Variants in MCC observed in about 807,000 individuals in gnomAD.
The protein encoded by MCC is MCC regulator of Wnt signaling pathway, also known as colorectal mutant cancer protein.
MCC carries 90 observed loss-of-function variants against 116.2 expected under a neutral mutation model. The observed-to-expected ratio is 0.77, with a 90% CI of 0.65 to 0.92. The LOEUF is 0.92. Ranked by LOEUF, MCC falls within the 40% of genes least tolerant of loss-of-function variation. MCC has a pLI of 0.00. For synonymous variants in MCC, 578 were observed against 510.5 expected (o/e 1.13, Z -1.78); for missense variants, 1,516 against 1,312.2 (o/e 1.16, Z -2.40).
intron 1 of MCC, among the ~76,000 whole-genome samples, chr5:113,469,666 T>C (rs1772023464): frequency 1.3e-5 from 2 of 152,202 alleles, no homozygotes; most frequent in African/African-American, 2.4e-5. Context: ...TCTGTTGATT[T>C]GGGGTGGAGA....
chr5:113,139,158 A>C (rs1346228733), intron 5 of MCC, among the ~76,000 whole-genome samples: 1 of 151,772 alleles, frequency 6.6e-6, no homozygotes, highest in East Asian at 1.9e-4. Flanking sequence ...GCCCACTTCG[A>C]CTCTGTTTGT....
rs987534748 is a variant in MCC at position 113,071,629 on chromosome 5, G to C, written c.1785-395C>G. Among the ~76,000 whole-genome samples the C allele has an allele frequency of 4.6e-5, 7 of 152,194 alleles. No homozygotes were observed. In the East Asian group the frequency reaches 1.3e-3, roughly 29 times the overall value. ...CACATGCAAGGATGAAAAGCAGCAA[G>C]ACAGCAGTCATGGCTATTTGTTAAG... On this transcript the variant is annotated intron_variant, in intron 11 of 18. Coordinates refer to ENST00000408903, the MANE Select transcript of MCC (RefSeq NM_001085377.2).
At chr5:113,101,162 C>T (rs1756383112) in intron 8 of MCC, among the ~76,000 whole-genome samples, 1 of 152,152 alleles carries the variant, frequency 6.6e-6, no homozygotes, top group Non-Finnish European at 1.5e-5. Context: ...CACACATACA[C>T]ATCTGTAAAC....
At chr5:113,044,770 C>G (rs1056333323) in intron 16 of MCC, among the ~76,000 whole-genome samples, 29 of 152,310 alleles carry the variant, frequency 1.9e-4, no homozygotes, top group Middle Eastern at 6.8e-3. Context: ...GACGGGGTTT[C>G]TCCATGTTGG....
At chr5:113,205,105 T>C (rs1229601934) in intron 3 of MCC, among the ~76,000 whole-genome samples, 1 of 152,196 alleles carries the variant, frequency 6.6e-6, no homozygotes, top group Non-Finnish European at 1.5e-5. Context: ...AGTTTTTTCC[T>C]CCTTTCTCTC....
intron 1 of MCC, among the ~76,000 whole-genome samples, chr5:113,473,352 C>T (rs913393300): frequency 1.3e-5 from 2 of 151,900 alleles, no homozygotes; most frequent in South Asian, 2.1e-4. Context: ...AGTAAGACCC[C>T]ATCTCTAGAA....
At chr5:113,284,395 A>G (rs1415265152) in intron 3 of MCC, among the ~76,000 whole-genome samples, 9 of 152,232 alleles carry the variant, frequency 5.9e-5, no homozygotes, top group Admixed American at 3.3e-4. Flanking sequence ...GTATTTTGAT[A>G]GTGTGATCTG....
chr5:113,151,702 G>T (rs1461281430), intron 3 of MCC, among the ~76,000 whole-genome samples: 6 of 152,144 alleles, frequency 3.9e-5, no homozygotes, highest in Non-Finnish European at 7.4e-5. Context: ...TCTTTCCAAT[G>T]GCTTTCCCCA....
At chr5:113,170,365 T>A (rs1018712055) in intron 3 of MCC, among the ~76,000 whole-genome samples, 1 of 152,204 alleles carries the variant, frequency 6.6e-6, no homozygotes, top group Admixed American at 6.5e-5. Context: ...ATATACCATA[T>A]TCCTACCTCC....
At chr5:113,178,475 G>A (rs1396625948) in intron 3 of MCC, among the ~76,000 whole-genome samples, 1 of 152,096 alleles carries the variant, frequency 6.6e-6, no homozygotes, top group African/African-American at 2.4e-5. Context: ...ATTTATGAGG[G>A]ATATATTGGG....
chr5:113,077,353 A>T (rs1754529440), intron 11 of MCC, among the ~76,000 whole-genome samples: 1 of 152,204 alleles, frequency 6.6e-6, no homozygotes, highest in Non-Finnish European at 1.5e-5. Flanking sequence ...CAGAATATAC[A>T]TTCTTCTCAG....
chr5:113,269,519 C>A (rs1383984372), intron 3 of MCC, among the ~76,000 whole-genome samples: 2 of 152,184 alleles, frequency 1.3e-5, no homozygotes, highest in African/African-American at 4.8e-5. Flanking sequence ...TATTCAGACT[C>A]TCCCACAAAC....
intron 11 of MCC, among the ~76,000 whole-genome samples, chr5:113,082,531 T>G (rs910331154): frequency 1.3e-5 from 2 of 152,240 alleles, no homozygotes; most frequent in African/African-American, 2.4e-5. Context: ...CTATGTAATT[T>G]GCAAGGTCCA....
intron 8 of MCC, among the ~76,000 whole-genome samples, chr5:113,090,153 G>T (rs1436533413): frequency 6.6e-6 from 1 of 152,064 alleles, no homozygotes. Flanking sequence ...GGAGTGGAGG[G>T]TCAGTGGAGG....
chr5:113,390,668 A>G (rs1020605527), intron 1 of MCC, among the ~76,000 whole-genome samples: 4 of 152,216 alleles, frequency 2.6e-5, no homozygotes, highest in Non-Finnish European at 5.9e-5. Flanking sequence ...ATAATGGGAA[A>G]GATGGGCTTT....
At chr5:113,217,348 A>G (rs1469946317) in intron 3 of MCC, among the ~76,000 whole-genome samples, 1 of 152,238 alleles carries the variant, frequency 6.6e-6, no homozygotes, top group East Asian at 1.9e-4. Flanking sequence ...TATAGCACAT[A>G]GCTTGGAATG....
intron 2 of MCC, among the ~76,000 whole-genome samples, chr5:113,374,618 G>A (rs968568669): frequency 5.9e-5 from 9 of 152,022 alleles, no homozygotes; most frequent in Admixed American, 2.0e-4. Flanking sequence ...CGCCATATTT[G>A]TATTAATACA....
At chr5:113,127,913 G>A (rs1276681346) in intron 5 of MCC, among the ~76,000 whole-genome samples, 1 of 152,138 alleles carries the variant, frequency 6.6e-6, no homozygotes, top group South Asian at 2.1e-4. Context: ...TGAAATCCTT[G>A]CCCTTGCCTC....
At chr5:113,384,486 A>G (rs1373953305) in intron 2 of MCC, among the ~76,000 whole-genome samples, 1 of 151,970 alleles carries the variant, frequency 6.6e-6, no homozygotes, top group Non-Finnish European at 1.5e-5. Context: ...TACTCAGGAG[A>G]CTGAGGCAGG....
Sources: gnomAD v4.1 joint callset for allele counts (sites outside exome capture counted in the v4.1 genomes callset) on GRCh38, gnomAD v4.1.1 for gene constraint, MANE v1.5 for transcripts, NCBI Gene and HGNC (gene_info 2026-07-23, HGNC 2026-07-21) for gene names.